ULK4: variants seen among roughly 807,000 people sequenced by gnomAD.
ULK4 encodes the protein inactive serine/threonine-protein kinase ULK4.
ULK4 carries 133 observed loss-of-function variants against 160.6 expected under a neutral mutation model. The observed-to-expected ratio is 0.83, with a 90% CI of 0.72 to 0.96. ULK4 has a LOEUF of 0.96. Among genes scored for constraint, ULK4 ranks in the 40% least tolerant of loss-of-function variants. ULK4 has a pLI of 0.00. For missense variants in ULK4, 1,580 were observed against 1,499.5 expected (o/e 1.05, Z -0.89); for synonymous variants, 534 against 539.8 (o/e 0.99, Z 0.15).
intron 17 of ULK4, among the ~76,000 whole-genome samples, chr3:41,876,665 T>C (rs1470992130): frequency 1.3e-5 from 2 of 152,214 alleles, no homozygotes; most frequent in Non-Finnish European, 2.9e-5. Flanking sequence ...TCACCAGTGA[T>C]GTAGTATACT....
intron 5 of ULK4, among the ~76,000 whole-genome samples, chr3:41,925,305 G>C (rs1013888567): frequency 2.6e-5 from 4 of 152,128 alleles, no homozygotes; most frequent in African/African-American, 9.7e-5. Flanking sequence ...TAGGGGTCAG[G>C]GAACTCCCTC....
At chr3:41,280,907 C>T (rs1024802661) in intron 35 of ULK4, among the ~76,000 whole-genome samples, 5 of 151,492 alleles carry the variant, frequency 3.3e-5, no homozygotes, top group Admixed American at 6.6e-5. Context: ...ATAGACTGCT[C>T]GCAAGACTAA....
intron 21 of ULK4, among the ~76,000 whole-genome samples, chr3:41,788,486 C>A (rs1225152973): frequency 6.6e-6 from 1 of 152,058 alleles, no homozygotes; most frequent in East Asian, 1.9e-4. Flanking sequence ...AGATCGAGAC[C>A]ATCCTGGCTA....
intron 34 of ULK4, among the ~76,000 whole-genome samples, chr3:41,404,264 G>A (rs1463128452): frequency 2.1e-5 from 3 of 140,196 alleles, no homozygotes; most frequent in Non-Finnish European, 3.1e-5. Flanking sequence ...TTTTGAGGTC[G>A]TGTTGTTTAG....
intron 35 of ULK4, among the ~76,000 whole-genome samples, chr3:41,362,277 T>C (rs1395861640): frequency 1.3e-5 from 2 of 152,194 alleles, no homozygotes; most frequent in Non-Finnish European, 2.9e-5. Flanking sequence ...GATGATGCTA[T>C]ATTATTCTGG....
At chr3:41,452,765 TA>T (rs544223323) in intron 34 of ULK4, among the ~76,000 whole-genome samples, 32 of 152,118 alleles carry the variant, frequency 2.1e-4, no homozygotes, top group Non-Finnish European at 3.5e-4. Context: ...CAGAACATCT[TA>T]AACTATGAAA....
intron 31 of ULK4, among the ~76,000 whole-genome samples, chr3:41,591,935 G>C (rs765460738): frequency 7.9e-5 from 12 of 152,198 alleles, no homozygotes; most frequent in Non-Finnish European, 1.6e-4. Flanking sequence ...GATGCTGGAG[G>C]ATCATGACGG....
intron 30 of ULK4, among the ~76,000 whole-genome samples, chr3:41,646,510 G>A (rs1196941102): frequency 6.6e-6 from 1 of 152,212 alleles, no homozygotes; most frequent in Non-Finnish European, 1.5e-5. Flanking sequence ...TAAGAATGTT[G>A]AATATTGGCT....
chr3:41,296,749 G>A lies in ULK4; in HGVS notation c.3679-47175C>T, dbSNP rs1391468301. Among the ~76,000 whole-genome samples the A allele has an allele frequency of 2.6e-5, 4 of 152,068 alleles. No homozygotes were observed. The East Asian group carries it at 7.8e-4, about 30-fold the overall frequency. ...GGCTAGGAGCTGATGAGTGAGGTGA[G>A]GGGGTCAATGGCAGACTGCAGAAGG... On this transcript the variant is annotated intron_variant, in intron 35 of 36. Coordinates refer to ENST00000301831, the MANE Select transcript of ULK4 (RefSeq NM_017886.4).
rs1302145849 is a variant in ULK4 at position 41,442,013 on chromosome 3, G to C, written c.3492+13484C>G. Among the ~76,000 whole-genome samples, 3 of 152,182 alleles carry C rather than the reference G, an allele frequency of 2.0e-5. No individual in the cohort carries two copies. In the East Asian group the frequency reaches 5.8e-4, roughly 29 times the overall value. On this transcript the variant is annotated intron_variant, in intron 34 of 36. Coordinates refer to ENST00000301831, the MANE Select transcript of ULK4 (RefSeq NM_017886.4). ...CTTTCTTTTGATTAGTGTAACCATG[G>C]TGCATCTTCTTCCATTCTTTTACCT...
At chr3:41,921,971 T>C (rs1389367452) in intron 5 of ULK4, among the ~76,000 whole-genome samples, 1 of 151,696 alleles carries the variant, frequency 6.6e-6, no homozygotes, top group East Asian at 2.0e-4. Context: ...CTGACCAACA[T>C]GGACAAACCC....
chr3:41,796,728 T>C (rs2040310542), intron 20 of ULK4, among the ~76,000 whole-genome samples: 2 of 152,174 alleles, frequency 1.3e-5, no homozygotes, highest in Admixed American at 6.5e-5. Context: ...TATGCATGGG[T>C]ACATATATTT....
At chr3:41,472,783 T>G (rs952822249) in intron 32 of ULK4, among the ~76,000 whole-genome samples, 1 of 152,132 alleles carries the variant, frequency 6.6e-6, no homozygotes, top group African/African-American at 2.4e-5. Context: ...GAGCCCAGCA[T>G]TACCCTCATA....
intron 35 of ULK4, among the ~76,000 whole-genome samples, chr3:41,271,868 T>C (rs1310919467): frequency 6.6e-6 from 1 of 152,188 alleles, no homozygotes. Context: ...AGTTACCATT[T>C]CTGATGCTTC....
chr3:41,433,285 G>C (rs1380464407), intron 34 of ULK4, among the ~76,000 whole-genome samples: 1 of 152,088 alleles, frequency 6.6e-6, no homozygotes, highest in Non-Finnish European at 1.5e-5. Flanking sequence ...AAACATCAAA[G>C]ACCTATCAGG....
chr3:41,462,881 T>C (rs1213646022), intron 33 of ULK4, among the ~76,000 whole-genome samples: 2 of 152,192 alleles, frequency 1.3e-5, no homozygotes, highest in African/African-American at 4.8e-5. Flanking sequence ...AGTAGGCCTC[T>C]CCTTCCTTCC....
intron 21 of ULK4, among the ~76,000 whole-genome samples, chr3:41,782,975 T>C (rs528188069): frequency 1.4e-5 from 2 of 147,528 alleles, no homozygotes; most frequent in African/African-American, 5.1e-5. Context: ...CATCACTGAA[T>C]AGGAGAAATA....
chr3:41,531,051 C>T (rs529982917), intron 32 of ULK4, among the ~76,000 whole-genome samples: 3 of 151,236 alleles, frequency 2.0e-5, no homozygotes, highest in South Asian at 4.2e-4. Context: ...CATGAGCCAC[C>T]GCGCCCGGCC....
intron 34 of ULK4, among the ~76,000 whole-genome samples, chr3:41,401,049 T>C (rs1430281124): frequency 6.6e-6 from 1 of 152,164 alleles, no homozygotes; most frequent in Admixed American, 6.6e-5. Context: ...GCCTTAGATA[T>C]ATAGTTTTGC....
Sources: allele counts gnomAD v4.1 joint callset (sites outside exome capture counted in the v4.1 genomes callset), GRCh38; gene constraint gnomAD v4.1.1; transcripts MANE v1.5; gene names NCBI Gene and HGNC (gene_info 2026-07-23, HGNC 2026-07-21).